Variants in CERS6 observed in about 807,000 individuals in gnomAD.
The protein encoded by CERS6 is LAG1 homolog, ceramide synthase 6.
A neutral mutation model predicts 56.8 loss-of-function variants in CERS6; 26 were observed. The ratio of observed to expected loss-of-function variants is 0.46; its 90% CI spans 0.34 to 0.63. The LOEUF is 0.63. CERS6 is among the 30% of genes least tolerant of loss of function. CERS6 has a pLI of 0.01. For missense variants in CERS6, 415 were observed against 467.5 expected (o/e 0.89, Z 1.04); for synonymous variants, 164 against 173.3 (o/e 0.95, Z 0.42).
At chr2:168,634,814 G>A (rs1445257229) in intron 4 of CERS6, among the ~76,000 whole-genome samples, 1 of 152,120 alleles carries the variant, frequency 6.6e-6, no homozygotes, top group African/African-American at 2.4e-5. Flanking sequence ...TATCAGTCAG[G>A]GGTCCATAGG....
chr2:168,568,260 A>G (rs1695919374), intron 3 of CERS6, among the ~76,000 whole-genome samples: 1 of 152,190 alleles, frequency 6.6e-6, no homozygotes, highest in African/African-American at 2.4e-5. Flanking sequence ...TTTTCCAATA[A>G]TTTTGTTCAA....
chr2:168,541,386 C>G (rs371124127), intron 1 of CERS6, among the ~76,000 whole-genome samples: 4 of 152,282 alleles, frequency 2.6e-5, no homozygotes, highest in African/African-American at 7.2e-5. Context: ...TAGTTTGTCT[C>G]CTTTTTCCCT....
At chr2:168,614,305 A>G (rs975539497) in intron 3 of CERS6, among the ~76,000 whole-genome samples, 2 of 152,260 alleles carry the variant, frequency 1.3e-5, no homozygotes, top group African/African-American at 2.4e-5. Context: ...GTGAACATAT[A>G]CACATGTATA....
Position 168,630,887 on chromosome 2 carries a change from A to G in CERS6, c.408-98A>G, listed in dbSNP as rs2105295285. 5 of 540,558 alleles carry G rather than the reference A, an allele frequency of 9.2e-6. No homozygotes were observed. The East Asian group carries it at 1.3e-4, about 14-fold the overall frequency. 33.5% of individuals were successfully genotyped at this position (540,558 alleles called of 1,614,324 possible). A position where few individuals can be genotyped will look rare whatever the true frequency, so the allele number is the denominator to read the frequency against. On this transcript the variant is annotated intron_variant, in intron 3 of 9. Transcript: ENST00000305747. Reference sequence around the variant, plus strand: ...ATCCTTAGTTGAGGTAGGGGGACAAATTTAATTTAATGAACTCTTTTCCCT... The same window carrying G: ...ATCCTTAGTTGAGGTAGGGGGACAAGTTTAATTTAATGAACTCTTTTCCCT...
chr2:168,505,606 TAA>T (rs527489076), intron 1 of CERS6, among the ~76,000 whole-genome samples: 82 of 152,130 alleles, frequency 5.4e-4, no homozygotes, highest in African/African-American at 1.9e-3. Context: ...TGGGGATGTA[TAA>T]AAGAGTTGGA....
chr2:168,617,412 A>G (rs1391434903), intron 3 of CERS6, among the ~76,000 whole-genome samples: 1 of 152,202 alleles, frequency 6.6e-6, no homozygotes, highest in African/African-American at 2.4e-5. Context: ...ATTGAAACAA[A>G]AAAAATTGCA....
At chr2:168,615,689 A>C (rs1383593533) in intron 3 of CERS6, among the ~76,000 whole-genome samples, 1 of 152,206 alleles carries the variant, frequency 6.6e-6, no homozygotes, top group African/African-American at 2.4e-5. Context: ...ACTAAGAAAA[A>C]ATGAGCAAAG....
rs1457880198 is a variant in CERS6 at position 168,456,965 on chromosome 2, CCT to C, written c.170+351_170+352del. 3.9e-5 allele frequency among the ~76,000 whole-genome samples: 6 copies of C among 152,236 alleles called. No individual in the cohort carries two copies. Among genetic ancestry groups the C allele is most frequent in the African/African-American group, 1.4e-4 (6 of 41,462 alleles). The stretch of plus-strand genomic sequence containing the variant: ...CCCGCCGCATTCCGCGGGGCTCGCC[CCT>C]CTCCGCCGGCGCGCCACGCAAGGCT... On this transcript the variant is annotated intron_variant, in intron 1 of 9. Coordinates refer to ENST00000305747, the MANE Select transcript of CERS6 (RefSeq NM_203463.3). The surrounding 1 kb of genome is among the most constrained non-coding windows in gnomAD (Gnocchi z 4.1).
At chr2:168,670,399 G>A (rs1485671527) in intron 4 of CERS6, among the ~76,000 whole-genome samples, 2 of 152,084 alleles carry the variant, frequency 1.3e-5, no homozygotes, top group African/African-American at 2.4e-5. Flanking sequence ...CCATCCCAGA[G>A]CTCTTTCCAG....
At chr2:168,572,193 C>A (rs935374019) in intron 3 of CERS6, among the ~76,000 whole-genome samples, 1 of 152,086 alleles carries the variant, frequency 6.6e-6, no homozygotes, top group Admixed American at 6.6e-5. Context: ...AATGAAGTTG[C>A]ATATTTTCAG....
chr2:168,628,995 C>G (rs1684651232), intron 3 of CERS6, among the ~76,000 whole-genome samples: 1 of 151,908 alleles, frequency 6.6e-6, no homozygotes, highest in Admixed American at 6.6e-5. Context: ...ATATGAAACT[C>G]CACAACTTAA....
intron 8 of CERS6, among the ~76,000 whole-genome samples, chr2:168,721,741 C>A (rs1468285418): frequency 6.6e-6 from 1 of 151,796 alleles, no homozygotes; most frequent in Non-Finnish European, 1.5e-5. Flanking sequence ...GCCTCAGTTT[C>A]TTGAGTAGCT....
chr2:168,555,785 A>G (rs1695667489), intron 2 of CERS6, among the ~76,000 whole-genome samples: 1 of 149,708 alleles, frequency 6.7e-6, no homozygotes. Flanking sequence ...TCAAATTAAA[A>G]GAACTAAACT....
At chr2:168,583,399 G>C (rs1683466436) in intron 3 of CERS6, among the ~76,000 whole-genome samples, 1 of 152,116 alleles carries the variant, frequency 6.6e-6, no homozygotes, top group African/African-American at 2.4e-5. Flanking sequence ...ACTCTGATTT[G>C]GATAGGGGCA....
chr2:168,490,687 C>G (rs1332445875), intron 1 of CERS6, among the ~76,000 whole-genome samples: 1 of 152,104 alleles, frequency 6.6e-6, no homozygotes, highest in Admixed American at 6.6e-5. Context: ...GCACTCAGCT[C>G]TTTTTGTGGC....
intron 8 of CERS6, among the ~76,000 whole-genome samples, chr2:168,748,833 G>GC (rs1684180667): frequency 9.5e-6 from 1 of 105,568 alleles, no homozygotes; most frequent in African/African-American, 7.3e-5. Flanking sequence ...GTTGGGGGTG[G>GC]GGGGGGGGCA....
At chr2:168,482,144 A>T (rs1438036149) in intron 1 of CERS6, among the ~76,000 whole-genome samples, 1 of 152,226 alleles carries the variant, frequency 6.6e-6, no homozygotes, top group African/African-American at 2.4e-5. Context: ...GAGGTTTTAA[A>T]TTTGGACTTG....
At chr2:168,608,793 C>A (rs1684114900) in intron 3 of CERS6, among the ~76,000 whole-genome samples, 2 of 152,120 alleles carry the variant, frequency 1.3e-5, no homozygotes, top group Non-Finnish European at 2.9e-5. Flanking sequence ...AACATTTTCC[C>A]CTAGTCTATG....
chr2:168,735,415 G>A (rs1426268871), intron 8 of CERS6, among the ~76,000 whole-genome samples: 1 of 152,000 alleles, frequency 6.6e-6, no homozygotes, highest in East Asian at 1.9e-4. Flanking sequence ...GTTTTTTTCT[G>A]GGGTAAGAGG....
Sources: gnomAD v4.1 joint callset for allele counts (sites outside exome capture counted in the v4.1 genomes callset) on GRCh38, gnomAD v4.1.1 for gene constraint, Gnocchi (gnomAD v3.1) non-coding constraint, MANE v1.5 for transcripts, NCBI Gene and HGNC (gene_info 2026-07-23, HGNC 2026-07-21) for gene names.